BRD10: variants seen among roughly 807,000 people sequenced by gnomAD.
BRD10 encodes bromodomain containing 10.
At chr9:5,979,507 C>CA in the BRD10 span, among the ~76,000 whole-genome samples, 10 of 142,292 alleles carry the variant, frequency 7.0e-5, no homozygotes, top group South Asian at 1.8e-3. Context: ...GAACCTGTCT[C>CA]AAAAAAAACC....
the BRD10 span, among the ~76,000 whole-genome samples, chr9:5,936,316 C>T: frequency 2.0e-5 from 3 of 152,176 alleles, no homozygotes; most frequent in African/African-American, 7.2e-5. Context: ...AATCACACTA[C>T]TGCACTCTTG....
the BRD10 span, among the ~76,000 whole-genome samples, chr9:5,947,976 A>T: frequency 6.6e-6 from 1 of 152,206 alleles, no homozygotes; most frequent in Non-Finnish European, 1.5e-5. Context: ...GATTACAGTC[A>T]GGTCACATTG....
the BRD10 span, among the ~76,000 whole-genome samples, chr9:5,974,376 A>G: frequency 6.6e-6 from 1 of 152,184 alleles, no homozygotes; most frequent in East Asian, 1.9e-4. Context: ...AACCAAAATG[A>G]AGTAACAAAG....
chr9:5,973,312 C>G, the BRD10 span, among the ~76,000 whole-genome samples: 1 of 151,988 alleles, frequency 6.6e-6, no homozygotes, highest in Non-Finnish European at 1.5e-5. Flanking sequence ...ACTAGAAATA[C>G]AAAAATCAGC....
At chr9:5,944,386 T>TA in the BRD10 span, among the ~76,000 whole-genome samples, 6,831 of 151,342 alleles carry the variant, frequency 0.045, 422 homozygotes, top group African/African-American at 0.13. Flanking sequence ...TAGTGAAAGT[T>TA]AAAAAAAAAC....
chr9:5,946,654 C>T, the BRD10 span, among the ~76,000 whole-genome samples: 1 of 152,036 alleles, frequency 6.6e-6, no homozygotes, highest in South Asian at 2.1e-4. Context: ...CCTCTTTCAC[C>T]GAACTTGGTG....
At chr9:5,988,448 A>T in the BRD10 span, 1 of 1,613,948 alleles carries the variant, frequency 6.2e-7, no homozygotes, top group Non-Finnish European at 8.5e-7. Flanking sequence ...CGCGGTGTTG[A>T]CCGACGCCTT....
At chr9:5,969,655 T>C in the BRD10 span, among the ~76,000 whole-genome samples, 33 of 152,272 alleles carry the variant, frequency 2.2e-4, no homozygotes, top group Admixed American at 1.8e-3. Context: ...GCAATTCTCC[T>C]GCCTCAGCCT....
chr9:5,971,328 T>A, the BRD10 span, among the ~76,000 whole-genome samples: 10 of 152,294 alleles, frequency 6.6e-5, no homozygotes, highest in African/African-American at 2.4e-4. Context: ...TAATTGCTTT[T>A]GAAAACGTTA....
chr9:5,946,159 T>C, the BRD10 span, among the ~76,000 whole-genome samples: 4 of 152,084 alleles, frequency 2.6e-5, no homozygotes, highest in Admixed American at 2.0e-4. Context: ...ATTGCTGATA[T>C]GCTTTTTATC....
At chr9:5,978,392 T>TAA in the BRD10 span, among the ~76,000 whole-genome samples, 121 of 84,480 alleles carry the variant, frequency 1.4e-3, 1 homozygote, top group Middle Eastern at 8.6e-3. Context: ...TGCAATTTAG[T>TAA]AAAAAAAAAA....
At chr9:5,922,543 T>A in the BRD10 span, 1 of 1,614,002 alleles carries the variant, frequency 6.2e-7, no homozygotes, top group East Asian at 2.2e-5. Context: ...TGACAAAAAC[T>A]GATGCTAAAG....
At chr9:5,950,438 G>C in the BRD10 span, among the ~76,000 whole-genome samples, 2 of 152,142 alleles carry the variant, frequency 1.3e-5, no homozygotes, top group Non-Finnish European at 2.9e-5. Flanking sequence ...TCATGGAGAA[G>C]TTAAATACCT....
chr9:5,993,598 T>C, the BRD10 span, among the ~76,000 whole-genome samples: 1 of 152,168 alleles, frequency 6.6e-6, no homozygotes, highest in Admixed American at 6.5e-5. Flanking sequence ...GAATAGTTAC[T>C]GGAACCCAGA....
the BRD10 span, chr9:5,919,996 TG>T: frequency 6.2e-7 from 1 of 1,614,008 alleles, no homozygotes; most frequent in Non-Finnish European, 8.5e-7. Context: ...TCAGTGATAC[TG>T]TTGGTACAGG....
chr9:5,950,147 C>A, the BRD10 span, among the ~76,000 whole-genome samples: 10 of 152,304 alleles, frequency 6.6e-5, no homozygotes, highest in Non-Finnish European at 1.5e-4. Context: ...TTTTCAAATT[C>A]TTGTAGGCTT....
the BRD10 span, among the ~76,000 whole-genome samples, chr9:5,951,406 G>A: frequency 4.0e-5 from 6 of 151,704 alleles, no homozygotes; most frequent in East Asian, 3.9e-4. Flanking sequence ...AAAGAAGACT[G>A]GTCCTTTGGC....
chr9:5,911,212 T>G, the BRD10 span, among the ~76,000 whole-genome samples: 1 of 152,194 alleles, frequency 6.6e-6, no homozygotes, highest in Non-Finnish European at 1.5e-5. Context: ...TTTTACTTGA[T>G]TTTTGTATAT....
chr9:5,882,159 A>G, the BRD10 span, among the ~76,000 whole-genome samples: 1 of 152,170 alleles, frequency 6.6e-6, no homozygotes, highest in Non-Finnish European at 1.5e-5. Context: ...CAACGAACCC[A>G]GTACTGTGTA....
Sources: gnomAD v4.1 joint callset for allele counts (sites outside exome capture counted in the v4.1 genomes callset) on GRCh38, gnomAD v4.1.1 for gene constraint, MANE v1.5 for transcripts, NCBI Gene and HGNC (gene_info 2026-07-23, HGNC 2026-07-21) for gene names.